Variants in MAF observed in about 807,000 individuals in gnomAD.
MAF encodes MAF bZIP transcription factor, also known as transcription factor Maf.
A neutral mutation model predicts 22.0 loss-of-function variants in MAF; 10 were observed. That is an observed-to-expected ratio of 0.45 (90% CI 0.28 to 0.77). The LOEUF is 0.77. Among genes scored for constraint, MAF ranks in the 30% least tolerant of loss-of-function variants. The pLI, the probability that MAF is intolerant of heterozygous loss-of-function variation, is 0.12. For missense variants in MAF, 544 were observed against 548.4 expected, an observed-to-expected ratio of 0.99 and a Z score of 0.08; for synonymous variants, 337 against 255.8, an observed-to-expected ratio of 1.32 and a Z score of -3.03.
chr16:79,255,108 GC>G, the MAF span, among the ~76,000 whole-genome samples: 1 of 152,132 alleles, frequency 6.6e-6, no homozygotes, highest in East Asian at 1.9e-4. Context: ...CACACCAAGG[GC>G]TAAATTGTCT....
At chr16:79,482,491 C>T in the MAF span, among the ~76,000 whole-genome samples, 8 of 152,180 alleles carry the variant, frequency 5.3e-5, no homozygotes, top group Admixed American at 5.2e-4. Flanking sequence ...GATTAAAACA[C>T]AGCCTGCCAG....
chr16:79,231,635 G>T, the MAF span, among the ~76,000 whole-genome samples: 1 of 152,030 alleles, frequency 6.6e-6, no homozygotes, highest in Non-Finnish European at 1.5e-5. Context: ...AAAGAAGAAA[G>T]CAGGAAAGAA....
chr16:79,381,986 G>A, the MAF span, among the ~76,000 whole-genome samples: 1 of 152,114 alleles, frequency 6.6e-6, no homozygotes, highest in Non-Finnish European at 1.5e-5. Flanking sequence ...ATATGACAGG[G>A]TACCATTTAT....
chr16:79,384,439 CT>C, the MAF span, among the ~76,000 whole-genome samples: 1 of 108,580 alleles, frequency 9.2e-6, no homozygotes, highest in Non-Finnish European at 1.8e-5. Flanking sequence ...GAGCAAAACT[CT>C]GTCTCAAAAA....
chr16:79,557,267 G>C, the MAF span, among the ~76,000 whole-genome samples: 4 of 151,958 alleles, frequency 2.6e-5, no homozygotes, highest in African/African-American at 4.8e-5. Flanking sequence ...ATTTCCCGAA[G>C]TTTCTGTTTT....
the MAF span, among the ~76,000 whole-genome samples, chr16:79,329,038 C>T: frequency 3.3e-5 from 5 of 151,758 alleles, no homozygotes; most frequent in African/African-American, 9.7e-5. Flanking sequence ...CTTTCACACC[C>T]GCCCCCACTC....
the MAF span, among the ~76,000 whole-genome samples, chr16:79,299,361 A>AG: frequency 0.039 from 5,842 of 149,504 alleles, 120 homozygotes; most frequent in East Asian, 0.071. Context: ...AAAAAAAAAA[A>AG]AGAAAAAAAA....
the MAF span, among the ~76,000 whole-genome samples, chr16:79,450,644 T>C: frequency 6.6e-6 from 1 of 152,196 alleles, no homozygotes; most frequent in East Asian, 1.9e-4. Context: ...GTGGTTTTTA[T>C]AAGGCTATTA....
chr16:79,433,267 T>TAAAA, the MAF span, among the ~76,000 whole-genome samples: 6 of 139,368 alleles, frequency 4.3e-5, no homozygotes, highest in East Asian at 2.1e-4. Flanking sequence ...ATAAGACAAG[T>TAAAA]AAAAAAAAAA....
At chr16:79,566,804 G>A in the MAF span, among the ~76,000 whole-genome samples, 5 of 152,130 alleles carry the variant, frequency 3.3e-5, no homozygotes, top group South Asian at 2.1e-4. Context: ...ACTCTCACCC[G>A]GAGGGAAAAG....
At chr16:79,308,166 A>G in the MAF span, among the ~76,000 whole-genome samples, 1 of 152,202 alleles carries the variant, frequency 6.6e-6, no homozygotes. Context: ...TGTCTAGACA[A>G]TCAATACGGA....
the MAF span, among the ~76,000 whole-genome samples, chr16:79,555,429 A>G: frequency 6.6e-6 from 1 of 152,154 alleles, no homozygotes; most frequent in South Asian, 2.1e-4. Context: ...TTAATAGGCA[A>G]GTCTTTGACA....
At chr16:79,447,004 G>A in the MAF span, among the ~76,000 whole-genome samples, 1 of 152,096 alleles carries the variant, frequency 6.6e-6, no homozygotes, top group East Asian at 1.9e-4. Context: ...TGGTAATATA[G>A]ATAAATGTTC....
At chr16:79,582,229 T>G (rs916931104), downstream of MAF, among the ~76,000 whole-genome samples, 2 of 152,098 alleles carry the variant, frequency 1.3e-5, no homozygotes, top group Admixed American at 6.5e-5. Flanking sequence ...AAATAAAAGA[T>G]TCAGCAAGCA....
the MAF span, among the ~76,000 whole-genome samples, chr16:79,429,807 G>T: frequency 1.3e-5 from 2 of 152,260 alleles, no homozygotes; most frequent in East Asian, 3.9e-4. Context: ...TTCTGCACTT[G>T]CCTGGTGCTG....
chr16:79,218,810 C>T, the MAF span, among the ~76,000 whole-genome samples: 1 of 152,286 alleles, frequency 6.6e-6, no homozygotes, highest in East Asian at 1.9e-4. Flanking sequence ...AGCTACTGCA[C>T]TGTTACTAGA....
At chr16:79,223,562 A>G in the MAF span, among the ~76,000 whole-genome samples, 3 of 152,242 alleles carry the variant, frequency 2.0e-5, no homozygotes, top group South Asian at 2.1e-4. Flanking sequence ...CAAAAAATCA[A>G]TGAATCCAGA....
At chr16:79,313,307 C>T in the MAF span, among the ~76,000 whole-genome samples, 5 of 152,040 alleles carry the variant, frequency 3.3e-5, no homozygotes. Context: ...GAAAAAAAGT[C>T]CTGAAGAACG....
chr16:79,500,993 G>T, the MAF span, among the ~76,000 whole-genome samples: 1 of 152,162 alleles, frequency 6.6e-6, no homozygotes, highest in African/African-American at 2.4e-5. Flanking sequence ...AAGCAGAAAA[G>T]ATCTGACCCA....
Sources: gnomAD v4.1 joint callset for allele counts (sites outside exome capture counted in the v4.1 genomes callset) on GRCh38, gnomAD v4.1.1 for gene constraint, MANE v1.5 for transcripts, NCBI Gene and HGNC (gene_info 2026-07-23, HGNC 2026-07-21) for gene names.